The following C11orf65 variants were observed in gnomAD, a reference collection of about 807,000 sequenced individuals.
The protein encoded by C11orf65 is chromosome 11 open reading frame 65, also known as protein MFI.
Under a neutral mutation model 35.3 loss-of-function variants are expected in C11orf65, and 38 were observed. The observed-to-expected ratio is 1.08, with a 90% CI of 0.83 to 1.41. The LOEUF (loss-of-function observed/expected upper bound fraction) is 1.41. Ranked by LOEUF, C11orf65 falls within the 40% of genes most tolerant of loss-of-function variation. The pLI is 0.00. For missense variants in C11orf65, 370 were observed against 367.1 expected (o/e 1.01, Z -0.06); for synonymous variants, 105 against 114.4 (o/e 0.92, Z 0.53).
At chr11:108,434,889 C>T (rs1335992218) in intron 2 of C11orf65, among the ~76,000 whole-genome samples, 1 of 152,160 alleles carries the variant, frequency 6.6e-6, no homozygotes, top group East Asian at 1.9e-4. Context: ...CCAATGGGCC[C>T]ATGCTTGTGA....
chr11:108,320,532 A>G (rs927468527), intron 6 of C11orf65, among the ~76,000 whole-genome samples: 1 of 152,220 alleles, frequency 6.6e-6, no homozygotes, highest in Non-Finnish European at 1.5e-5. Flanking sequence ...AAAATTTACT[A>G]TCATTTAAGT....
intron 6 of C11orf65, among the ~76,000 whole-genome samples, chr11:108,397,349 T>C (rs571711218): frequency 2.9e-4 from 44 of 152,016 alleles, no homozygotes; most frequent in Non-Finnish European, 4.3e-4. Context: ...ATAAAATTTG[T>C]CTTCGTAGGT....
At chr11:108,390,851 T>C (rs772575159) in intron 7 of C11orf65, among the ~76,000 whole-genome samples, 4 of 152,298 alleles carry the variant, frequency 2.6e-5, no homozygotes, top group South Asian at 4.1e-4. Flanking sequence ...TATTGAATCA[T>C]AGCAATTTCT....
rs1057520450 is a variant in C11orf65 at position 108,325,511 on chromosome 11, C to T, written c.641-16440G>A. 3.7e-6 allele frequency: 6 copies of T among 1,612,196 alleles called. No homozygotes were observed. In the African/African-American group the frequency reaches 8.0e-5, roughly 22 times the overall value. The stretch of plus-strand genomic sequence containing the variant: ...TTCTCACCAAACACCTTGTAGAACT[C>T]TCTATACTGGCCAGAACTTTCAAGA... On this transcript the variant is annotated intron_variant, in intron 6 of 6. Transcript: ENST00000525729.
chr11:108,446,680 G>A (rs1366909900), intron 2 of C11orf65, among the ~76,000 whole-genome samples: 2 of 152,166 alleles, frequency 1.3e-5, no homozygotes, highest in East Asian at 3.8e-4. Flanking sequence ...GCAAAATCAT[G>A]CCAAAATGTA....
At chr11:108,329,125 C>T (rs1591151199), downstream of C11orf65, 1 of 1,613,922 alleles carries the variant, frequency 6.2e-7, no homozygotes, top group Non-Finnish European at 8.5e-7. Context: ...ATACTCAATA[C>T]CAAAGAATTG....
intron 2 of C11orf65, among the ~76,000 whole-genome samples, chr11:108,346,253 T>G (rs1049975936): frequency 1.3e-5 from 2 of 152,166 alleles, no homozygotes; most frequent in Admixed American, 1.3e-4. Flanking sequence ...CTGTGATAAC[T>G]TATTTCCTTT....
intron 4 of C11orf65, 33 bp downstream of exon 4, chr11:108,407,063 A>G (rs1238533606): frequency 4.4e-6 from 7 of 1,590,742 alleles, no homozygotes; most frequent in African/African-American, 1.3e-5. Context: ...AATGTGCTTT[A>G]TAACTACTAA....
At chr11:108,346,465 A>C (rs1031918175) in intron 2 of C11orf65, 1 of 152,664 alleles carries the variant, frequency 6.6e-6, no homozygotes, top group Non-Finnish European at 1.5e-5. Flanking sequence ...ATGAGAACTA[A>C]TGTAAACATT....
chr11:108,331,493 A>G lies in C11orf65; in HGVS notation c.*57T>C, dbSNP rs1555124039. 1 of 1,613,576 alleles carries G rather than the reference A, an allele frequency of 6.2e-7. No individual in the cohort carries two copies. Among genetic ancestry groups the G allele is most frequent in the Non-Finnish European group, 8.5e-7 (1 of 1,179,782 alleles). ...TATAAATTTTTGCCTCTTATGTACCAATTGGCTGCTAGAATGGGGACCAAG... is the reference window on the plus strand; with the variant it reads ...TATAAATTTTTGCCTCTTATGTACCGATTGGCTGCTAGAATGGGGACCAAG... On this transcript the variant is annotated 3_prime_UTR_variant, in exon 4 of 4. Coordinates refer to the C11orf65 transcript ENST00000524755.
chr11:108,410,666 T>C (rs903741543), intron 3 of C11orf65, among the ~76,000 whole-genome samples: 1 of 151,834 alleles, frequency 6.6e-6, no homozygotes, highest in African/African-American at 2.4e-5. Context: ...TTCTACTTTC[T>C]ATTCATTGAT....
At chr11:108,312,020 G>T (rs1211831337) in intron 6 of C11orf65, among the ~76,000 whole-genome samples, 1 of 152,054 alleles carries the variant, frequency 6.6e-6, no homozygotes, top group East Asian at 1.9e-4. Context: ...ATTTATATCT[G>T]TTAAGTATTA....
rs1555139447 is a variant in C11orf65, at chr11:108,347,275, C to G, written c.227-11983G>C. ...TTCAGATTGTTTGTTTCTTTTTTCT[C>G]CAGTTGGTTACATACTTGGACTTGG... On this transcript the variant is annotated intron_variant, in intron 2 of 3. Transcript: ENST00000524755. 6.3e-7 allele frequency: 1 copy of G among 1,597,114 alleles called. No homozygotes were observed. Among genetic ancestry groups the G allele is most frequent in the East Asian group, 2.2e-5 (1 of 44,672 alleles).
Position 108,335,954 on chromosome 11 carries a change from C to T in C11orf65, c.227-662G>A, listed in dbSNP as rs587779871. On this transcript the variant is annotated intron_variant, in intron 2 of 3. Coordinates refer to the C11orf65 transcript ENST00000524755. ...AGGAAGAGGAAATTAACTATCTGTA[C>T]TTATAAGGTAACTATTTGTACTTCT... 2.5e-6 allele frequency: 4 copies of T among 1,605,254 alleles called. No homozygotes were observed. The highest frequency in any genetic ancestry group is 2.2e-5 in the East Asian group (1 of 44,826).
At chr11:108,314,648 C>G (rs1187965395) in intron 6 of C11orf65, among the ~76,000 whole-genome samples, 1 of 151,788 alleles carries the variant, frequency 6.6e-6, no homozygotes, top group Non-Finnish European at 1.5e-5. Context: ...AGGTGCTAAC[C>G]CCCTGTGCTA....
At chr11:108,329,283 C>T (rs2086010824), downstream of C11orf65, 2 of 1,513,966 alleles carry the variant, frequency 1.3e-6, no homozygotes, top group East Asian at 4.7e-5. Context: ...CACCAGTTAA[C>T]TGAGTGAGTG....
chr11:108,403,949 C>T (rs916958021), intron 6 of C11orf65, among the ~76,000 whole-genome samples: 8 of 152,176 alleles, frequency 5.3e-5, no homozygotes, highest in Non-Finnish European at 1.2e-4. Context: ...TATTAAGATT[C>T]TTCTCTGTTG....
Position 108,406,743 on chromosome 11 carries a change from T to G in C11orf65, c.429+20A>C, listed in dbSNP as rs552710909. ...TTTCTAAATACGTAAGGTTAAAAATTAACATTTCTCTTTTCTTACTGTATC... is the reference window on the plus strand; with the variant it reads ...TTTCTAAATACGTAAGGTTAAAAATGAACATTTCTCTTTTCTTACTGTATC... On this transcript the variant is annotated intron_variant, in intron 5 of 8. Coordinates refer to ENST00000393084, the MANE Select transcript of C11orf65 (RefSeq NM_152587.5). The G allele has an allele frequency of 6.7e-7, 1 of 1,502,476 alleles. No homozygotes were observed. The highest frequency in any genetic ancestry group is 1.4e-5 in the African/African-American group (1 of 72,766). 93.1% of individuals were successfully genotyped at this position (1,502,476 alleles called of 1,614,324 possible).
intron 3 of C11orf65, among the ~76,000 whole-genome samples, chr11:108,424,219 A>G (rs2092865448): frequency 6.6e-6 from 1 of 152,174 alleles, no homozygotes; most frequent in Non-Finnish European, 1.5e-5. Context: ...AAATGACCTG[A>G]TGGAGCTGAA....
Sources: allele counts gnomAD v4.1 joint callset (sites outside exome capture counted in the v4.1 genomes callset), GRCh38; gene constraint gnomAD v4.1.1; transcripts MANE v1.5; gene names NCBI Gene and HGNC (gene_info 2026-07-23, HGNC 2026-07-21).